BICRA: variants seen among roughly 807,000 people sequenced by gnomAD.
BICRA encodes the protein BRD4 interacting chromatin remodeling complex associated protein, also known as BRD4-interacting chromatin-remodeling complex-associated protein.
Under a neutral mutation model 96.9 loss-of-function variants are expected in BICRA, and 31 were observed. The ratio of observed to expected loss-of-function variants is 0.32; its 90% CI spans 0.24 to 0.43. The LOEUF is 0.43. Ranked by LOEUF, BICRA falls within the 20% of genes least tolerant of loss-of-function variation. BICRA has a pLI of 1.00. For synonymous variants in BICRA, 1,350 were observed against 1,071.8 expected, an observed-to-expected ratio of 1.26 and a Z score of -5.07; for missense variants, 2,283 against 2,190.3, an observed-to-expected ratio of 1.04 and a Z score of -0.84.
chr19:47,672,356 A>C (rs1195829651), intron 2 of BICRA, among the ~76,000 whole-genome samples: 2 of 144,106 alleles, frequency 1.4e-5, no homozygotes, highest in African/African-American at 5.2e-5. Flanking sequence ...GATGGATGGA[A>C]GGATGGAGGA....
chr19:47,679,905 C>G lies in BICRA; in HGVS notation c.735C>G (p.Leu245=). The G allele has an allele frequency of 6.6e-7, 1 of 1,522,178 alleles. No homozygotes were observed. Among genetic ancestry groups the G allele is most frequent in the Non-Finnish European group, 8.8e-7 (1 of 1,141,388 alleles). 94.3% of individuals were successfully genotyped at this position (1,522,178 alleles called of 1,614,324 possible). Residue 245 remains leucine, a synonymous_variant, in exon 6 of 15, where the codon CTC becomes CTG. Transcript: ENST00000594866. ...TGGTGGGCCAGCCCGTCATGGCGCT[C>G]AACACGCCCACCTCCCAGCTCCTGG... ...IQVVGQPVMA[L]NTPTSQLLAK...
At chr19:47,661,711 G>A (rs1239024420) in intron 1 of BICRA, 1 of 152,282 alleles carries the variant, frequency 6.6e-6, no homozygotes, top group Non-Finnish European at 1.5e-5. Flanking sequence ...TCATGGACAG[G>A]AGGGCACTGA....
intron 1 of BICRA, among the ~76,000 whole-genome samples, chr19:47,659,827 A>G (rs575795734): frequency 5.9e-5 from 9 of 151,908 alleles, no homozygotes; most frequent in African/African-American, 2.2e-4. Context: ...TTGGCTCACC[A>G]CAGCCTTAGC....
Position 47,698,872 on chromosome 19 carries a change from G to C in BICRA, c.3397+90G>C, listed in dbSNP as rs972404917. The C allele has an allele frequency of 2.2e-4, 293 of 1,337,422 alleles. 1 individual carries two copies. Among genetic ancestry groups the C allele is most frequent in the Non-Finnish European group, 2.9e-4 (276 of 953,282 alleles). 82.8% of individuals were successfully genotyped at this position (1,337,422 alleles called of 1,614,324 possible). The stretch of plus-strand genomic sequence containing the variant: ...CGCCAGTGTGGAGCCGCAGGTCCAC[G>C]GTGCGCTATGCTGACCCTGCCCCGC... On this transcript the variant is annotated intron_variant, in intron 12 of 14. Coordinates refer to ENST00000594866, the MANE Select transcript of BICRA (RefSeq NM_001394372.1). The surrounding 1 kb of genome is among the most constrained non-coding windows in gnomAD (Gnocchi z 4.8).
chr19:47,680,211 A>G lies in BICRA; in HGVS notation c.1041A>G (p.Thr347=), dbSNP rs964708950. 1 of 1,555,166 alleles carries G rather than the reference A, an allele frequency of 6.4e-7. No homozygotes were observed. The highest frequency in any genetic ancestry group is 8.6e-7 in the Non-Finnish European group (1 of 1,159,348). ...CGCCCAACGTGATCCTGCATCGCAC[A>G]CCCACGCCCATCCAGCCCAAGCCCG... The part of the protein sequence containing the change: ...VPAPNVILHR[T]PTPIQPKPAG... The change falls in exon 6 of 15, where the codon ACA becomes ACG. Residue 347 remains threonine (T), a synonymous_variant. Transcript: ENST00000594866.
intron 1 of BICRA, among the ~76,000 whole-genome samples, chr19:47,614,615 ACT>A (rs1484710367): frequency 3.3e-5 from 5 of 152,188 alleles, no homozygotes; most frequent in African/African-American, 1.2e-4. Context: ...ACACAGCGAG[ACT>A]CTGTCTAAAA....
chr19:47,679,144 TC>T (rs1251442935), intron 5 of BICRA, 176 bp from the exon 6 acceptor site: 2 of 440,958 alleles, frequency 4.5e-6, no homozygotes, highest in Admixed American at 8.3e-5. Context: ...CCATCCATCC[TC>T]CTACCTCAGC....
intron 1 of BICRA, among the ~76,000 whole-genome samples, chr19:47,647,797 CCTGCTATGTCCTTGACCACA>C (rs1288014036): frequency 1.3e-5 from 2 of 151,946 alleles, no homozygotes; most frequent in East Asian, 3.9e-4. Context: ...TAGTGAAGAC[CCTGCTATGTCCTTGACCACA>C]CTGCACGGGG....
chr19:47,678,862 G>C (rs1194872176), intron 5 of BICRA: 2 of 203,288 alleles, frequency 9.8e-6, no homozygotes, highest in Non-Finnish European at 9.8e-6. Context: ...CCACTTGCAG[G>C]TGGAATGTTC....
chr19:47,659,198 C>T (rs1323859240), intron 1 of BICRA, among the ~76,000 whole-genome samples: 3 of 152,146 alleles, frequency 2.0e-5, no homozygotes, highest in Non-Finnish European at 1.5e-5. Flanking sequence ...AGACATCAGT[C>T]GCTTTATGAG....
intron 7 of BICRA, among the ~76,000 whole-genome samples, chr19:47,685,782 T>TGG: frequency 8.0e-6 from 1 of 124,924 alleles, no homozygotes; most frequent in East Asian, 3.0e-4. Flanking sequence ...TGTGTGTGTG[T>TGG]GTGTGCGCGC....
At position 47,695,049 on chromosome 19, in the gene BICRA, C is replaced by T. The variant is rs758818314; in HGVS notation, c.3045C>T (p.His1015=). 4.2e-5 allele frequency: 63 copies of T among 1,495,652 alleles called. No homozygotes were observed. The highest frequency in any genetic ancestry group is 2.6e-4 in the African/African-American group (18 of 70,340). 92.6% of individuals were successfully genotyped at this position (1,495,652 alleles called of 1,614,324 possible). Residue 1015 remains histidine, a synonymous_variant, in exon 9 of 15, where the codon CAC becomes CAT. Coordinates refer to ENST00000594866, the MANE Select transcript of BICRA (RefSeq NM_001394372.1). ...CTGGGACCCCCACTGCCCCCAGCCA[C>T]GCCCCCGCCCCGGCACCCATGGCCG... ...APSGTPTAPS[H]APAPAPMAAT... is the part of the protein sequence containing the mutation.
At chr19:47,695,342 T>TCGGGGCCCCCCCCCCCC in intron 9 of BICRA, 23 bp from the exon 10 acceptor site, 1 of 630,186 alleles carries the variant, frequency 1.6e-6, no homozygotes, top group Non-Finnish European at 2.8e-6. Flanking sequence ...AGGCCCTGTC[T>TCGGGGCCCCCCCCCCCC]CCCCCACCCC....
chr19:47,681,939 G>C (rs780081948), intron 6 of BICRA, 37 bp from the exon 7 acceptor site: 2 of 1,461,108 alleles, frequency 1.4e-6, no homozygotes, highest in Non-Finnish European at 1.8e-6. Context: ...GGCCTGTGGG[G>C]GCGGCTTTCT....
In BICRA at chr19:47,702,541, T is replaced by C; in HGVS notation, c.*126T>C. 8.5e-7 allele frequency: 1 copy of C among 1,177,586 alleles called. No homozygotes were observed. Among genetic ancestry groups the C allele is most frequent in the Non-Finnish European group, 1.1e-6 (1 of 894,024 alleles). 72.9% of individuals were successfully genotyped at this position (1,177,586 alleles called of 1,614,324 possible). On this transcript the variant is annotated 3_prime_UTR_variant, in exon 15 of 15. Coordinates refer to ENST00000594866, the MANE Select transcript of BICRA (RefSeq NM_001394372.1). ...GACGGTTTTTCTTGCCTAAGTTATTTGAGTCACAAAGGCCTCCTTCCCTGC... is the reference window on the plus strand; with the variant it reads ...GACGGTTTTTCTTGCCTAAGTTATTCGAGTCACAAAGGCCTCCTTCCCTGC...
chr19:47,659,987 G>A (rs1370005427), intron 1 of BICRA, among the ~76,000 whole-genome samples: 2 of 152,124 alleles, frequency 1.3e-5, no homozygotes, highest in Non-Finnish European at 2.9e-5. Context: ...TCTATACTCT[G>A]TACGTATTGT....
chr19:47,691,840 CGT>C (rs1973245735), intron 7 of BICRA, among the ~76,000 whole-genome samples: 1 of 152,146 alleles, frequency 6.6e-6, no homozygotes, highest in Non-Finnish European at 1.5e-5. Context: ...GGATTGCAAG[CGT>C]GAGCCACCGC....
chr19:47,690,063 G>A (rs10405168), intron 7 of BICRA, among the ~76,000 whole-genome samples: 42,881 of 151,902 alleles, frequency 0.28, 6,209 homozygotes, highest in South Asian at 0.32. Flanking sequence ...GTGCAATGGC[G>A]TGATACTGGC....
intron 7 of BICRA, among the ~76,000 whole-genome samples, chr19:47,691,805 C>G (rs560833113): frequency 6.6e-6 from 1 of 152,312 alleles, no homozygotes; most frequent in South Asian, 2.1e-4. Context: ...AAGTGATCCA[C>G]CTGCCTTGGC....
Sources: allele counts gnomAD v4.1 joint callset (sites outside exome capture counted in the v4.1 genomes callset), GRCh38; gene constraint gnomAD v4.1.1; non-coding constraint Gnocchi (gnomAD v3.1); transcripts MANE v1.5; gene names NCBI Gene and HGNC (gene_info 2026-07-23, HGNC 2026-07-21).